THSD4: variants seen among roughly 807,000 people sequenced by gnomAD.
The protein encoded by THSD4 is thrombospondin type 1 domain containing 4.
Under a neutral mutation model 119.0 loss-of-function variants are expected in THSD4, and 69 were observed. The observed-to-expected ratio is 0.58, with a 90% CI of 0.48 to 0.71. The LOEUF is 0.71. Ranked by LOEUF, THSD4 falls within the 30% of genes least tolerant of loss-of-function variation. The probability of loss-of-function intolerance (pLI) is 0.00; values close to 1 mark genes in which losing one functional copy is unlikely to be tolerated. For synonymous variants in THSD4, 524 were observed against 540.4 expected, an observed-to-expected ratio of 0.97 and a Z score of 0.42; for missense variants, 1,393 against 1,391.1, an observed-to-expected ratio of 1.00 and a Z score of -0.02.
intron 7 of THSD4, among the ~76,000 whole-genome samples, chr15:71,556,632 T>C (rs1000826333): frequency 6.6e-6 from 1 of 151,992 alleles, no homozygotes; most frequent in Non-Finnish European, 1.5e-5. Flanking sequence ...GGCATGGTGG[T>C]GTGTGCCTAT....
chr15:71,605,592 A>T (rs1228091929), intron 7 of THSD4, among the ~76,000 whole-genome samples: 2 of 152,226 alleles, frequency 1.3e-5, no homozygotes, highest in East Asian at 1.9e-4. Context: ...CAGCCTGAAC[A>T]GGGGGAAGGA....
intron 3 of THSD4, among the ~76,000 whole-genome samples, chr15:71,169,218 G>C (rs2043327544): frequency 6.6e-6 from 1 of 152,126 alleles, no homozygotes; most frequent in South Asian, 2.1e-4. Flanking sequence ...TTAGTCCTTA[G>C]GTAACTACAA....
intron 7 of THSD4, among the ~76,000 whole-genome samples, chr15:71,449,045 C>G (rs1379950071): frequency 6.6e-6 from 1 of 152,184 alleles, no homozygotes; most frequent in South Asian, 2.1e-4. Flanking sequence ...AGAAAATGGA[C>G]TGGCCAGCCT....
rs189735220 is a variant in THSD4 at position 71,118,465 on chromosome 15, A to G, written c.-80+2767A>G. On this transcript the variant is annotated intron_variant, in intron 1 of 17. Coordinates refer to ENST00000261862, the MANE Select transcript of THSD4 (RefSeq NM_024817.3). ...TCCCTGCATTCTTTGTGCCTGCTCT[A>G]TGTTCAGCCTGGATGAGCCTCGCCT... Among the ~76,000 whole-genome samples the G allele has an allele frequency of 1.6e-4, 24 of 151,990 alleles. No homozygotes were observed. In the East Asian group the frequency reaches 4.7e-3, roughly 29 times the overall value.
intron 4 of THSD4, among the ~76,000 whole-genome samples, chr15:71,240,423 G>A (rs1435792701): frequency 6.6e-6 from 1 of 152,084 alleles, no homozygotes; most frequent in African/African-American, 2.4e-5. Flanking sequence ...TTCTATGACT[G>A]ATTATCAAAG....
chr15:71,550,794 A>G (rs1306374030), intron 7 of THSD4, among the ~76,000 whole-genome samples: 17 of 152,186 alleles, frequency 1.1e-4, no homozygotes. Context: ...TTAGCTGCTG[A>G]TGGGTACAGA....
intron 6 of THSD4, among the ~76,000 whole-genome samples, chr15:71,407,249 T>C (rs1030809911): frequency 6.6e-6 from 1 of 152,204 alleles, no homozygotes; most frequent in African/African-American, 2.4e-5. Context: ...GTTTTAGGTC[T>C]GCTTTCTCCC....
intron 17 of THSD4, among the ~76,000 whole-genome samples, chr15:71,772,401 T>C (rs1039120245): frequency 1.3e-5 from 2 of 151,984 alleles, no homozygotes; most frequent in Non-Finnish European, 2.9e-5. Flanking sequence ...AAGAAGAAAA[T>C]TAACAAGTTT....
chr15:71,439,929 G>A (rs1196679871), intron 7 of THSD4, among the ~76,000 whole-genome samples: 12 of 152,104 alleles, frequency 7.9e-5, no homozygotes, highest in Non-Finnish European at 1.8e-4. Flanking sequence ...ACGGGTTGAT[G>A]GGTGCAGCAA....
chr15:71,208,735 C>T (rs563414298), intron 3 of THSD4, among the ~76,000 whole-genome samples: 28 of 152,174 alleles, frequency 1.8e-4, no homozygotes, highest in South Asian at 8.3e-4. Context: ...TGGTCACGAA[C>T]GCCTGACCTC....
chr15:71,725,813 T>C (rs1482926730), intron 8 of THSD4, among the ~76,000 whole-genome samples: 5 of 150,972 alleles, frequency 3.3e-5, no homozygotes, highest in Admixed American at 1.3e-4. Context: ...TTTTTTTCCT[T>C]TTTTTTTTCT....
At chr15:71,460,305 GTTTTTTTTTTTT>G (rs563476190) in intron 7 of THSD4, among the ~76,000 whole-genome samples, 6 of 122,580 alleles carry the variant, frequency 4.9e-5, no homozygotes, top group African/African-American at 1.2e-4. Context: ...AAGTTGCCTG[GTTTTTTTTTTTT>G]TTTTTTTTTT....
intron 7 of THSD4, among the ~76,000 whole-genome samples, chr15:71,514,464 C>G (rs2048327005): frequency 6.6e-6 from 1 of 152,176 alleles, no homozygotes; most frequent in Non-Finnish European, 1.5e-5. Context: ...TCCCACCTCT[C>G]CTAGAGCTGC....
intron 3 of THSD4, among the ~76,000 whole-genome samples, chr15:71,203,411 T>C (rs1011597460): frequency 6.6e-6 from 1 of 152,096 alleles, no homozygotes; most frequent in Admixed American, 6.6e-5. Context: ...TCTCAGCACT[T>C]TGGGAGGCCA....
intron 1 of THSD4, among the ~76,000 whole-genome samples, chr15:71,097,362 C>A (rs555792384): frequency 1.3e-5 from 2 of 152,016 alleles, no homozygotes; most frequent in African/African-American, 4.8e-5. Flanking sequence ...CACAGGAGTT[C>A]GCAACCAGCC....
At chr15:71,199,916 G>GGT (rs148622409) in intron 3 of THSD4, among the ~76,000 whole-genome samples, 207 of 116,132 alleles carry the variant, frequency 1.8e-3, no homozygotes, top group South Asian at 0.011. Context: ...GCATGTGTGG[G>GGT]GTGTGTGTGT....
intron 6 of THSD4, among the ~76,000 whole-genome samples, chr15:71,382,313 C>G (rs1015822408): frequency 6.6e-6 from 1 of 152,130 alleles, no homozygotes; most frequent in Non-Finnish European, 1.5e-5. Flanking sequence ...AGAGCAGAAG[C>G]CAATACTCCA....
chr15:71,719,925 C>T lies in THSD4; in HGVS notation c.1358-8624C>T, dbSNP rs553343505. Among the ~76,000 whole-genome samples, 10 of 152,236 alleles carry T rather than the reference C, an allele frequency of 6.6e-5. 1 individual carries two copies. The South Asian group carries it at 2.1e-3, about 32-fold the overall frequency. Reference sequence around the variant, plus strand: ...TCCTGCTCGCAAACGATCTGCCTGCCTCGGCCTCGCAAAGTGCTGGGATTA... The same window carrying T: ...TCCTGCTCGCAAACGATCTGCCTGCTTCGGCCTCGCAAAGTGCTGGGATTA... On this transcript the variant is annotated intron_variant, in intron 8 of 17. Coordinates refer to ENST00000261862, the MANE Select transcript of THSD4 (RefSeq NM_024817.3).
In THSD4 at chr15:71,115,820, C is replaced by CA. The variant is rs1200523956; in HGVS notation, c.-80+123dup. Reference sequence around the variant, plus strand: ...GCGGGGCGGGCTGGCGCGGGCTACCCAGTGGGTGTGTCCGGGGCGCCGCGG... The same window carrying CA: ...GCGGGGCGGGCTGGCGCGGGCTACCCAAGTGGGTGTGTCCGGGGCGCCGCGG... On this transcript the variant is annotated intron_variant, in intron 1 of 17. Coordinates refer to ENST00000261862, the MANE Select transcript of THSD4 (RefSeq NM_024817.3). This position sits in a 1 kb window ranked among gnomAD's most constrained non-coding sequence, Gnocchi z 4.4. 6.6e-6 allele frequency: 1 copy of CA among 151,262 alleles called. No homozygotes were observed. Among genetic ancestry groups the CA allele is most frequent in the Non-Finnish European group, 1.5e-5 (1 of 67,718 alleles). 9.4% of individuals were successfully genotyped at this position (151,262 alleles called of 1,614,324 possible).
Sources: gnomAD v4.1 joint callset for allele counts (sites outside exome capture counted in the v4.1 genomes callset) on GRCh38, gnomAD v4.1.1 for gene constraint, Gnocchi (gnomAD v3.1) non-coding constraint, MANE v1.5 for transcripts, NCBI Gene and HGNC (gene_info 2026-07-23, HGNC 2026-07-21) for gene names.